ALG9: variants seen among roughly 807,000 people sequenced by gnomAD.
The protein encoded by ALG9 is ALG9 alpha-1,2-mannosyltransferase.
In ALG9, 55 loss-of-function variants were observed where a neutral mutation model predicts 81.8. The observed-to-expected ratio is 0.67, with a 90% CI of 0.54 to 0.84. The LOEUF (loss-of-function observed/expected upper bound fraction) is 0.84, where lower values mean the gene tolerates loss of function less well. ALG9 is among the 40% of genes least tolerant of loss of function. The probability of loss-of-function intolerance (pLI) is 0.00; values close to 1 mark genes in which losing one functional copy is unlikely to be tolerated. For missense variants in ALG9, 629 were observed against 745.0 expected (o/e 0.84, Z 1.81); for synonymous variants, 278 against 274.3 (o/e 1.01, Z -0.13).
chr11:111,837,532 G>T lies in ALG9; in HGVS notation c.1408C>A (p.Pro470Thr), dbSNP rs199497739. 1.3e-5 allele frequency: 21 copies of T among 1,613,944 alleles called. No individual in the cohort carries two copies. The highest frequency in any genetic ancestry group is 1.6e-5 in the Non-Finnish European group (19 of 1,179,944). ...PTIHTVPEGRPVNVCVGKEWY... is the reference protein window; with the variant it reads ...PTIHTVPEGRTVNVCVGKEWY... ...TCTTTTCCCACACAGACATTCACAG[G>T]TCTGCCTTCTGGGACAGTGTGGATG... Residue 470 changes from proline to threonine, a missense_variant, in exon 12 of 15, where the codon CCT becomes ACT. Coordinates refer to ENST00000616540, the MANE Select transcript of ALG9 (RefSeq NM_024740.2).
Position 111,860,558 on chromosome 11 carries a change from C to A in ALG9, c.554G>T (p.Cys185Phe), listed in dbSNP as rs1555146974. ...AFLVLSTGMF[C>F]SSSAFLPSSF... ...GCCCTTTTACTTACCTGATGATGAG[C>A]AAAACATGCCAGTGCTGAGAACCAA... The change falls in exon 5 of 15, where the codon TGC (cysteine) becomes TTC (phenylalanine). Residue 185 changes from cysteine to phenylalanine, a missense_variant. Around this residue, in one of 3 missense-constraint regions of ALG9, gnomAD observed 344 missense variants for 390.5 expected, o/e 0.88. Transcript: ENST00000616540. 1 of 1,614,066 alleles carries A rather than the reference C, an allele frequency of 6.2e-7. No individual in the cohort carries two copies. The highest frequency in any genetic ancestry group is 1.3e-5 in the African/African-American group (1 of 75,044).
intron 11 of ALG9, among the ~76,000 whole-genome samples, chr11:111,837,929 G>T (rs1477502619): frequency 6.6e-6 from 1 of 152,030 alleles, no homozygotes; most frequent in Non-Finnish European, 1.5e-5. Flanking sequence ...TTATAAGAAA[G>T]AATATAATCA....
At chr11:111,773,539 T>C in the ALG9 span, among the ~76,000 whole-genome samples, 1 of 151,554 alleles carries the variant, frequency 6.6e-6, no homozygotes, top group Non-Finnish European at 1.5e-5. Context: ...CAAGGGTAGA[T>C]TTAAGCTACG....
At chr11:111,869,615 A>G (rs1255413159) in intron 2 of ALG9, among the ~76,000 whole-genome samples, 1 of 152,330 alleles carries the variant, frequency 6.6e-6, no homozygotes. Flanking sequence ...AAAATTACAA[A>G]TTACACCTTT....
intron 14 of ALG9, among the ~76,000 whole-genome samples, chr11:111,808,390 T>C (rs1437214098): frequency 6.6e-6 from 1 of 152,212 alleles, no homozygotes; most frequent in Non-Finnish European, 1.5e-5. Flanking sequence ...CTCACTTCTA[T>C]GACCAAGCTA....
chr11:111,826,031 A>T (rs1329724566), intron 13 of ALG9, among the ~76,000 whole-genome samples: 7 of 150,208 alleles, frequency 4.7e-5, no homozygotes, highest in Non-Finnish European at 1.0e-4. Context: ...GCACCACTGC[A>T]CTCCAGCCTG....
chr11:111,850,600 G>A (rs1957610255), intron 8 of ALG9, among the ~76,000 whole-genome samples: 1 of 150,946 alleles, frequency 6.6e-6, no homozygotes, highest in African/African-American at 2.4e-5. Flanking sequence ...CCAGCTACTA[G>A]GGAGGCTGAG....
chr11:111,820,564 C>T (rs564908398), intron 13 of ALG9, among the ~76,000 whole-genome samples: 1 of 152,324 alleles, frequency 6.6e-6, no homozygotes, highest in African/African-American at 2.4e-5. Flanking sequence ...CACCTCCTAA[C>T]ACTGACAAAT....
intron 5 of ALG9, among the ~76,000 whole-genome samples, chr11:111,859,792 G>A (rs1475959079): frequency 6.6e-6 from 1 of 151,952 alleles, no homozygotes; most frequent in African/African-American, 2.4e-5. Context: ...ATAATTTTGT[G>A]CCAGATACTA....
chr11:111,871,135 G>C, intron 1 of ALG9: 2 of 1,264,184 alleles, frequency 1.6e-6, no homozygotes, highest in South Asian at 2.9e-5. Context: ...CGCACTCCAA[G>C]GCAGTTTTAC....
rs201834092 is a variant in ALG9 at position 111,837,568 on chromosome 11, T to C, written c.1372A>G (p.Thr458Ala). ...GGGACAGTGTGGATGGTTGGGTCTG[T>C]AGCAATTCGGTAAAATTCTGGATAC... ...DLYPEFYRIA[T>A]DPTIHTVPEG... Residue 458 changes from threonine (T) to alanine (A), a missense_variant, in exon 12 of 15, where the codon ACA (threonine) becomes GCA (alanine). By Grantham distance (58) the Thr-to-Ala change is moderately conservative. Coordinates refer to ENST00000616540, the MANE Select transcript of ALG9 (RefSeq NM_024740.2). 12 of 1,614,006 alleles carry C rather than the reference T, an allele frequency of 7.4e-6. No homozygotes were observed. The highest frequency in any genetic ancestry group is 9.3e-6 in the Non-Finnish European group (11 of 1,180,004).
chr11:111,840,048 C>G (rs1298428135), intron 10 of ALG9, among the ~76,000 whole-genome samples: 1 of 152,140 alleles, frequency 6.6e-6, no homozygotes, highest in African/African-American at 2.4e-5. Context: ...CTAAAAACCA[C>G]TGAATCATAC....
chr11:111,786,300 TTTA>T lies in ALG9; in HGVS notation c.*94_*96del. ...ATTCCAGTATTCATGTCAGAAGACC[TTTA>T]TTACAAATGTTACAGGCGATGACTT... On this transcript the variant is annotated 3_prime_UTR_variant, in exon 15 of 15. Coordinates refer to ENST00000616540, the MANE Select transcript of ALG9 (RefSeq NM_024740.2). The T allele has an allele frequency of 6.3e-7, 1 of 1,575,798 alleles. No homozygotes were observed. Among genetic ancestry groups the T allele is most frequent in the Non-Finnish European group, 8.7e-7 (1 of 1,148,210 alleles).
In ALG9 at chr11:111,871,513, C is replaced by G. The variant is rs546830673; in HGVS notation, c.-31G>C. 6.7e-5 allele frequency: 103 copies of G among 1,535,802 alleles called. No individual in the cohort carries two copies. The highest frequency in any genetic ancestry group is 6.1e-4 in the South Asian group (51 of 83,844). On this transcript the variant is annotated 5_prime_UTR_variant, in exon 1 of 15. Transcript: ENST00000616540. ...GCCTGGGGAAAAAAGAATTCGGCAC[C>G]CTATGAAGTCGGTGAGCGCGCAGAC...
intron 13 of ALG9, among the ~76,000 whole-genome samples, chr11:111,826,391 T>TA (rs5794766): frequency 0.014 from 2,010 of 145,274 alleles, 22 homozygotes; most frequent in Non-Finnish European, 0.024. Context: ...ATCCAGAGTT[T>TA]AAAAAAAAAA....
At chr11:111,773,587 A>C in the ALG9 span, among the ~76,000 whole-genome samples, 1 of 151,920 alleles carries the variant, frequency 6.6e-6, no homozygotes, top group Non-Finnish European at 1.5e-5. Flanking sequence ...GACCTTTCTC[A>C]AAAGCCTTAG....
At chr11:111,866,802 C>A (rs890748596) in intron 3 of ALG9, among the ~76,000 whole-genome samples, 2 of 151,076 alleles carry the variant, frequency 1.3e-5, no homozygotes, top group South Asian at 2.1e-4. Context: ...AAAAAAAAAA[C>A]CAGAAATGAG....
rs1374229886 is a variant in ALG9 at position 111,782,365 on chromosome 11, G to A, written c.*4032C>T. On this transcript the variant is annotated 3_prime_UTR_variant, in exon 15 of 15. Transcript: ENST00000616540. ...ATTTCATTTGCAGCATGAATCACCT[G>A]GTTATACAGACTGGCAGAAGGCAAC... is the stretch of plus-strand genomic sequence containing the variant. The A allele has an allele frequency of 1.3e-5, 2 of 152,526 alleles. No homozygotes were observed. Among genetic ancestry groups the A allele is most frequent in the African/African-American group, 2.4e-5 (1 of 41,414 alleles). The allele number at this position is 152,526 out of a possible 1,614,324, so 9.4% of individuals were successfully genotyped here. A position where few individuals can be genotyped will look rare whatever the true frequency, so the allele number is the denominator to read the frequency against.
At chr11:111,812,062 T>C (rs1950797109) in intron 13 of ALG9, among the ~76,000 whole-genome samples, 1 of 152,240 alleles carries the variant, frequency 6.6e-6, no homozygotes, top group Non-Finnish European at 1.5e-5. Context: ...ATTTTTTTGA[T>C]ACACAATAAA....
Sources: gnomAD v4.1 joint callset for allele counts (sites outside exome capture counted in the v4.1 genomes callset) on GRCh38, gnomAD v4.1.1 for gene constraint, gnomAD v4.1.1 regional missense constraint, MANE v1.5 for transcripts, NCBI Gene and HGNC (gene_info 2026-07-23, HGNC 2026-07-21) for gene names.